The following TDRD9 variants were observed in gnomAD, a reference collection of about 807,000 sequenced individuals.
TDRD9 encodes ATP-dependent RNA helicase TDRD9.
Under a neutral mutation model 172.6 loss-of-function variants are expected in TDRD9, and 124 were observed. That is an observed-to-expected ratio of 0.72 (90% CI 0.62 to 0.83). The LOEUF (loss-of-function observed/expected upper bound fraction) is 0.83. Among genes scored for constraint, TDRD9 ranks in the 40% least tolerant of loss-of-function variants. The pLI is 0.00. For missense variants in TDRD9, 1,479 were observed against 1,714.1 expected, an observed-to-expected ratio of 0.86 and a Z score of 2.42; for synonymous variants, 619 against 617.1, an observed-to-expected ratio of 1.00 and a Z score of -0.05.
intron 3 of TDRD9, among the ~76,000 whole-genome samples, chr14:103,963,490 G>A (rs2032604440): frequency 6.6e-6 from 1 of 152,104 alleles, no homozygotes; most frequent in South Asian, 2.1e-4. Context: ...GTCTTCCCCA[G>A]GAGAGCTTCT....
chr14:104,026,190 G>T, intron 27 of TDRD9, 54 bp downstream of exon 27: 1 of 1,250,368 alleles, frequency 8.0e-7, no homozygotes, highest in South Asian at 1.2e-5. Flanking sequence ...CAGGATTCCT[G>T]GGTGGATTCC....
rs1566734586 is a variant in TDRD9, at chr14:103,952,190, GTATATATATA to G, written c.216-3452_216-3443del. ...TGTATATATGTGTGTGCGTGTGTGT[GTATATATATA>G]TATATATATATATATATATATTTTT... On this transcript the variant is annotated intron_variant, in intron 1 of 35. Transcript: ENST00000409874. 9.3e-3 allele frequency among the ~76,000 whole-genome samples: 517 copies of G among 55,518 alleles called. 2 individuals carry two copies. Among genetic ancestry groups the G allele is most frequent in the African/African-American group, 0.023 (328 of 14,534 alleles). The allele number at this position is 55,518 out of a possible 152,430, so 36.4% of individuals were successfully genotyped here.
chr14:103,976,106 T>C lies in TDRD9; in HGVS notation c.1011+553T>C, dbSNP rs142362294. Among the ~76,000 whole-genome samples, 991 of 152,304 alleles carry C rather than the reference T, an allele frequency of 6.5e-3. 5 individuals carry two copies. Among genetic ancestry groups the C allele is most frequent in the Middle Eastern group, 0.037 (11 of 294 alleles). Reference sequence around the variant, plus strand: ...TTCCGTGAGATCAGCCTTCTTAGCGTCCAAATTTGAATGAGAATGTGTGGT... The same window carrying C: ...TTCCGTGAGATCAGCCTTCTTAGCGCCCAAATTTGAATGAGAATGTGTGGT... On this transcript the variant is annotated intron_variant, in intron 7 of 35. Transcript: ENST00000409874.
intron 3 of TDRD9, among the ~76,000 whole-genome samples, chr14:103,964,680 A>T (rs1477713602): frequency 6.6e-5 from 10 of 152,120 alleles, no homozygotes; most frequent in Admixed American, 2.6e-4. Flanking sequence ...GCGCGCTACC[A>T]TGCCCAGCTA....
At chr14:103,928,915 G>T (rs1430901858) in intron 1 of TDRD9, 191 bp downstream of exon 1, 3 of 210,444 alleles carry the variant, frequency 1.4e-5, no homozygotes, top group Non-Finnish European at 2.8e-5. Flanking sequence ...TAAGGAAGCT[G>T]AGCTAGAGGT....
At chr14:103,934,050 C>A (rs1407409299) in intron 1 of TDRD9, among the ~76,000 whole-genome samples, 1 of 150,998 alleles carries the variant, frequency 6.6e-6, no homozygotes, top group Admixed American at 6.6e-5. Context: ...TTTTCTTGCT[C>A]TGTCACCCAG....
chr14:104,030,164 T>C (rs1435454179), intron 28 of TDRD9, among the ~76,000 whole-genome samples: 1 of 152,132 alleles, frequency 6.6e-6, no homozygotes, highest in Non-Finnish European at 1.5e-5. Flanking sequence ...TGTTTCTTTC[T>C]TGCAAACGAT....
At position 103,966,295 on chromosome 14, in the gene TDRD9, C is replaced by T. The variant is rs111623043; in HGVS notation, c.643-414C>T. Among the ~76,000 whole-genome samples the T allele has an allele frequency of 4.8e-3, 731 of 152,332 alleles. 9 individuals carry two copies. The highest frequency in any genetic ancestry group is 0.017 in the African/African-American group (709 of 41,568). On this transcript the variant is annotated intron_variant, in intron 4 of 35. Coordinates refer to ENST00000409874, the MANE Select transcript of TDRD9 (RefSeq NM_153046.3). ...GCAGTGAGCTGAGATCATGCCACTG[C>T]ACTCCAACTTGGGTGACAAAGTGAG...
chr14:103,988,515 T>C (rs2033756340), intron 8 of TDRD9, among the ~76,000 whole-genome samples: 1 of 152,146 alleles, frequency 6.6e-6, no homozygotes, highest in African/African-American at 2.4e-5. Context: ...TTGATTGGGC[T>C]GTTTAATCCA....
chr14:103,945,497 A>G (rs1015158486), intron 1 of TDRD9: 1 of 152,222 alleles, frequency 6.6e-6, no homozygotes, highest in African/African-American at 2.4e-5. Flanking sequence ...TGCTGTGTAG[A>G]TAGAGAACAT....
intron 12 of TDRD9, among the ~76,000 whole-genome samples, chr14:103,998,158 T>G (rs2152207756): frequency 6.8e-6 from 1 of 146,026 alleles, no homozygotes; most frequent in Admixed American, 7.4e-5. Context: ...ACATGCACAC[T>G]TCTACCCACC....
intron 1 of TDRD9, among the ~76,000 whole-genome samples, chr14:103,937,874 C>A (rs143019715): frequency 4.0e-5 from 6 of 150,124 alleles, no homozygotes; most frequent in African/African-American, 1.5e-4. Flanking sequence ...TTTTAATTTT[C>A]TTTTTTGAAT....
intron 6 of TDRD9, among the ~76,000 whole-genome samples, chr14:103,972,636 G>A (rs1345679156): frequency 6.6e-6 from 1 of 152,208 alleles, no homozygotes; most frequent in African/African-American, 2.4e-5. Flanking sequence ...GCATGGTTGG[G>A]TTATTCAGTT....
intron 1 of TDRD9, among the ~76,000 whole-genome samples, chr14:103,953,814 A>G (rs2032065852): frequency 6.6e-6 from 1 of 152,110 alleles, no homozygotes; most frequent in Non-Finnish European, 1.5e-5. Flanking sequence ...ACCCTTCCTT[A>G]TCCTTTTTGT....
chr14:103,956,094 AAAAAAAAAAAAAAAAAAATATAT>A (rs1203064101), intron 2 of TDRD9, among the ~76,000 whole-genome samples: 33 of 46,898 alleles, frequency 7.0e-4, no homozygotes, highest in African/African-American at 2.8e-3. Context: ...AAAAAAAAAA[AAAAAAAAAAAAAAAAAAATATAT>A]ATATATATAT....
At chr14:103,977,882 A>G (rs1171909144) in intron 7 of TDRD9, among the ~76,000 whole-genome samples, 1 of 152,176 alleles carries the variant, frequency 6.6e-6, no homozygotes, top group African/African-American at 2.4e-5. Flanking sequence ...ATTTTTCTGC[A>G]TCTGGATATC....
chr14:104,022,868 GT>G (rs980522283), intron 24 of TDRD9, among the ~76,000 whole-genome samples: 3 of 151,768 alleles, frequency 2.0e-5, no homozygotes, highest in African/African-American at 4.8e-5. Context: ...CTGAACCTCA[GT>G]TTTTTTTCTG....
At chr14:104,006,598 C>T (rs765798804) in intron 16 of TDRD9, 44 bp downstream of exon 16, 1 of 1,611,084 alleles carries the variant, frequency 6.2e-7, no homozygotes, top group South Asian at 1.1e-5. Context: ...GTTTATATAA[C>T]ACCACTCTCA....
chr14:103,993,545 C>A (rs1015148311), intron 9 of TDRD9, among the ~76,000 whole-genome samples: 17 of 152,180 alleles, frequency 1.1e-4, no homozygotes, highest in African/African-American at 2.9e-4. Context: ...TGTTCAAAAT[C>A]GAGTTGTCAG....
Sources: gnomAD v4.1 joint callset for allele counts (sites outside exome capture counted in the v4.1 genomes callset) on GRCh38, gnomAD v4.1.1 for gene constraint, MANE v1.5 for transcripts, NCBI Gene and HGNC (gene_info 2026-07-23, HGNC 2026-07-21) for gene names.